The following CAPN13 variants were observed in gnomAD, a reference collection of about 807,000 sequenced individuals.
The protein encoded by CAPN13 is calpain 13.
CAPN13 carries 90 observed loss-of-function variants against 98.4 expected under a neutral mutation model. The ratio of observed to expected loss-of-function variants is 0.92; its 90% CI spans 0.77 to 1.09. The LOEUF (loss-of-function observed/expected upper bound fraction) is 1.09. CAPN13 is among the 50% of genes least tolerant of loss of function. CAPN13 has a pLI of 0.00. For missense variants in CAPN13, 887 were observed against 841.3 expected, an observed-to-expected ratio of 1.05 and a Z score of -0.67; for synonymous variants, 330 against 305.5, an observed-to-expected ratio of 1.08 and a Z score of -0.84.
intron 1 of CAPN13, among the ~76,000 whole-genome samples, chr2:30,800,127 A>AGAAAGAAG (rs72211083): frequency 1.5e-5 from 2 of 133,734 alleles, no homozygotes; most frequent in East Asian, 2.2e-4. Context: ...AAAGAAAGAA[A>AGAAAGAAG]GAAAGAAAGA....
chr2:30,758,087 C>T lies in CAPN13; in HGVS notation c.825G>A (p.Trp275Ter), dbSNP rs537848823. Residue 275 changes from tryptophan to a stop codon, truncating the protein, a stop_gained, in exon 8 of 23, where the codon TGG (tryptophan) becomes TGA (stop). Transcript: ENST00000295055. LOFTEE classifies it high-confidence loss of function. Reference sequence around the variant, plus strand: ...CTCTCCATTCGGCCTCGCCCCAGCCCCAGGGGTTCCACAGGGAGATAATTT... The same window carrying T: ...CTCTCCATTCGGCCTCGCCCCAGCCTCAGGGGTTCCACAGGGAGATAATTT... ...WEEIISLWNP[W>*]GWGEAEWRGR... The T allele has an allele frequency of 6.2e-6, 10 of 1,610,960 alleles. No individual in the cohort carries two copies. In the East Asian group the frequency reaches 6.7e-5, roughly 11 times the overall value.
At chr2:30,751,457 G>T (rs1672173249) in intron 10 of CAPN13, among the ~76,000 whole-genome samples, 2 of 152,206 alleles carry the variant, frequency 1.3e-5, no homozygotes, top group South Asian at 4.1e-4. Context: ...CACAGGAGAG[G>T]TTGTATAGTC....
chr2:30,765,591 T>C (rs893149331), intron 5 of CAPN13, among the ~76,000 whole-genome samples: 3 of 152,210 alleles, frequency 2.0e-5, no homozygotes, highest in African/African-American at 4.8e-5. Context: ...TGGCCTTTCA[T>C]CTGGAAGCTG....
Position 30,735,452 on chromosome 2 carries a change from G to A in CAPN13, c.1723-928C>T, listed in dbSNP as rs559338288. On this transcript the variant is annotated intron_variant, in intron 18 of 22. Transcript: ENST00000295055. ...TTTTTGGGGGCCTTATTCGGCTTTT[G>A]GTGAGTGCAAGGACAGACCTAGACT... 2.6e-5 allele frequency among the ~76,000 whole-genome samples: 4 copies of A among 152,312 alleles called. No individual in the cohort carries two copies. The South Asian group carries it at 6.2e-4, about 24-fold the overall frequency.
intron 8 of CAPN13, among the ~76,000 whole-genome samples, chr2:30,756,095 C>T (rs1672430283): frequency 1.3e-5 from 2 of 152,096 alleles, no homozygotes; most frequent in Admixed American, 6.5e-5. Context: ...TCCAACAGAA[C>T]AGGTTCTGCT....
intron 15 of CAPN13, chr2:30,741,355 T>C: frequency 1.0e-6 from 1 of 982,836 alleles, no homozygotes; most frequent in African/African-American, 1.7e-5. Context: ...ACTTTCCACT[T>C]TCCACACTAA....
chr2:30,736,749 T>C, intron 17 of CAPN13, 178 bp from the exon 18 acceptor site: 1 of 601,094 alleles, frequency 1.7e-6, no homozygotes, highest in Non-Finnish European at 3.0e-6. Flanking sequence ...TGGCTTAGAT[T>C]TGTTTTACAA....
At chr2:30,753,805 G>A (rs778351644) in intron 9 of CAPN13, among the ~76,000 whole-genome samples, 1 of 152,130 alleles carries the variant, frequency 6.6e-6, no homozygotes, top group Non-Finnish European at 1.5e-5. Flanking sequence ...TCTAAGATGT[G>A]AGCATATGGC....
Position 30,722,799 on chromosome 2 carries a change from A to G in CAPN13, c.*468T>C, listed in dbSNP as rs573331736. 6.6e-6 allele frequency: 1 copy of G among 152,334 alleles called. No homozygotes were observed. The highest frequency in any genetic ancestry group is 1.9e-4 in the East Asian group (1 of 5,188). The allele number at this position is 152,334 out of a possible 1,614,324, so 9.4% of individuals were successfully genotyped here. On this transcript the variant is annotated 3_prime_UTR_variant, in exon 23 of 23. Coordinates refer to ENST00000295055, the MANE Select transcript of CAPN13 (RefSeq NM_144575.3). Reference sequence around the variant, plus strand: ...ATGGGAAACATGTTTTATTTTTGCCATTTAGCTGTGAAATCATCAGGATCC... The same window carrying G: ...ATGGGAAACATGTTTTATTTTTGCCGTTTAGCTGTGAAATCATCAGGATCC...
At chr2:30,736,165 G>A (rs1202712529) in intron 18 of CAPN13, among the ~76,000 whole-genome samples, 4 of 150,900 alleles carry the variant, frequency 2.7e-5, no homozygotes, top group Non-Finnish European at 5.9e-5. Flanking sequence ...AGATCCTCTG[G>A]CAGGTGGATT....
intron 1 of CAPN13, among the ~76,000 whole-genome samples, chr2:30,794,358 A>G (rs899146985): frequency 6.6e-6 from 1 of 151,964 alleles, no homozygotes; most frequent in African/African-American, 2.4e-5. Context: ...AGCTCACTAT[A>G]GGCCATTTTC....
chr2:30,799,018 G>GA (rs1675033799), intron 1 of CAPN13, among the ~76,000 whole-genome samples: 1 of 152,110 alleles, frequency 6.6e-6, no homozygotes, highest in Non-Finnish European at 1.5e-5. Flanking sequence ...TCTCTGGTGG[G>GA]AAAAAGATGT....
At chr2:30,794,652 A>T (rs1674766449) in intron 1 of CAPN13, among the ~76,000 whole-genome samples, 1 of 152,010 alleles carries the variant, frequency 6.6e-6, no homozygotes, top group Non-Finnish European at 1.5e-5. Context: ...AATGTCCATC[A>T]AAAGTGAATG....
At chr2:30,773,027 T>C (rs560273028) in intron 4 of CAPN13, among the ~76,000 whole-genome samples, 2 of 152,292 alleles carry the variant, frequency 1.3e-5, no homozygotes, top group African/African-American at 4.8e-5. Context: ...GGTTTCACCA[T>C]GTTGGCCAGG....
chr2:30,760,508 A>G (rs1433564440), intron 7 of CAPN13, among the ~76,000 whole-genome samples: 1 of 152,144 alleles, frequency 6.6e-6, no homozygotes, highest in African/African-American at 2.4e-5. Flanking sequence ...ATGCAGATAA[A>G]CACTCACCCC....
chr2:30,758,898 C>T (rs565267788), intron 7 of CAPN13, among the ~76,000 whole-genome samples: 9 of 146,172 alleles, frequency 6.2e-5, no homozygotes, highest in African/African-American at 2.0e-4. Flanking sequence ...TTCCCTTACT[C>T]CCTCTCGTCT....
intron 7 of CAPN13, among the ~76,000 whole-genome samples, chr2:30,759,266 C>G (rs1347803899): frequency 2.0e-5 from 3 of 151,506 alleles, no homozygotes; most frequent in Non-Finnish European, 4.4e-5. Context: ...TTTCTTCCTG[C>G]CCCCTGTCTG....
intron 5 of CAPN13, among the ~76,000 whole-genome samples, chr2:30,764,600 C>T (rs1003209832): frequency 2.0e-5 from 3 of 152,174 alleles, no homozygotes; most frequent in Admixed American, 1.3e-4. Context: ...ACAGGTTGAA[C>T]CCCACCTTTG....
intron 11 of CAPN13, among the ~76,000 whole-genome samples, chr2:30,747,000 C>A (rs1413900161): frequency 6.6e-6 from 1 of 152,154 alleles, no homozygotes; most frequent in Non-Finnish European, 1.5e-5. Flanking sequence ...CGGGAGCTTC[C>A]CTGAGAAGTC....
Sources: allele counts gnomAD v4.1 joint callset (sites outside exome capture counted in the v4.1 genomes callset), GRCh38; gene constraint gnomAD v4.1.1; transcripts MANE v1.5; gene names NCBI Gene and HGNC (gene_info 2026-07-23, HGNC 2026-07-21).